Variants in DTWD2 observed in about 807,000 individuals in gnomAD.
The protein encoded by DTWD2 is tRNA-uridine aminocarboxypropyltransferase 2.
Under a neutral mutation model 31.8 loss-of-function variants are expected in DTWD2, and 39 were observed. The ratio of observed to expected loss-of-function variants is 1.22; its 90% CI spans 0.95 to 1.60. The LOEUF (loss-of-function observed/expected upper bound fraction) is 1.60, where lower values mean the gene tolerates loss of function less well. Ranked by LOEUF, DTWD2 falls within the 40% of genes most tolerant of loss-of-function variation. The pLI is 0.00. For missense variants in DTWD2, 515 were observed against 381.5 expected (o/e 1.35, Z -2.92); for synonymous variants, 180 against 142.8 (o/e 1.26, Z -1.86).
chr5:118,923,050 G>A (rs114753439), intron 4 of DTWD2, among the ~76,000 whole-genome samples: 2,620 of 151,386 alleles, frequency 0.017, 26 homozygotes, highest in Non-Finnish European at 0.026. Flanking sequence ...TTTTTAATAG[G>A]CAATTTATAA....
intron 4 of DTWD2, among the ~76,000 whole-genome samples, chr5:118,875,386 C>G (rs955149041): frequency 6.6e-6 from 1 of 151,714 alleles, no homozygotes; most frequent in African/African-American, 2.4e-5. Flanking sequence ...GCTAAATGCC[C>G]CAATAAAAAG....
intron 4 of DTWD2, among the ~76,000 whole-genome samples, chr5:118,850,631 A>G (rs2112679001): frequency 6.6e-6 from 1 of 152,188 alleles, no homozygotes; most frequent in South Asian, 2.1e-4. Flanking sequence ...CTAAGTCCTC[A>G]AAAGCAACTG....
At chr5:118,862,234 C>T (rs1561430960) in intron 4 of DTWD2, among the ~76,000 whole-genome samples, 1 of 152,276 alleles carries the variant, frequency 6.6e-6, no homozygotes, top group East Asian at 1.9e-4. Flanking sequence ...TCGCTCCATT[C>T]GTGGAAAAAC....
intron 4 of DTWD2, among the ~76,000 whole-genome samples, chr5:118,919,956 C>A (rs1041995494): frequency 2.6e-5 from 4 of 151,936 alleles, no homozygotes; most frequent in African/African-American, 9.7e-5. Flanking sequence ...AGGATCCCCA[C>A]CAATTAGTCT....
chr5:118,873,133 G>T (rs1752543614), intron 4 of DTWD2, among the ~76,000 whole-genome samples: 1 of 152,232 alleles, frequency 6.6e-6, no homozygotes, highest in Non-Finnish European at 1.5e-5. Context: ...GATCACCATG[G>T]ACACTGAGGT....
intron 4 of DTWD2, among the ~76,000 whole-genome samples, chr5:118,899,472 GA>G (rs570296280): frequency 6.6e-5 from 10 of 152,300 alleles, no homozygotes; most frequent in Admixed American, 6.5e-4. Context: ...AGTGTTCACA[GA>G]AACTTTCTAG....
intron 1 of DTWD2, among the ~76,000 whole-genome samples, chr5:118,953,521 T>C (rs1009709875): frequency 1.6e-4 from 25 of 152,190 alleles, no homozygotes; most frequent in African/African-American, 6.0e-4. Flanking sequence ...TAAGCAACAC[T>C]GTATGTGATT....
At chr5:118,896,807 G>A (rs188184795) in intron 4 of DTWD2, among the ~76,000 whole-genome samples, 1 of 152,238 alleles carries the variant, frequency 6.6e-6, no homozygotes, top group Admixed American at 6.5e-5. Flanking sequence ...TAATACTGGA[G>A]AGGCCACATG....
intron 4 of DTWD2, among the ~76,000 whole-genome samples, chr5:118,913,354 C>A (rs751822719): frequency 4.7e-5 from 7 of 149,746 alleles, no homozygotes; most frequent in Non-Finnish European, 5.9e-5. Context: ...GTATACTCTG[C>A]AAATTTTGAT....
intron 4 of DTWD2, among the ~76,000 whole-genome samples, chr5:118,851,148 G>A (rs1482535637): frequency 6.6e-6 from 1 of 150,470 alleles, no homozygotes; most frequent in Non-Finnish European, 1.5e-5. Flanking sequence ...GAACCTGAGA[G>A]GCAGAGATTA....
intron 4 of DTWD2, among the ~76,000 whole-genome samples, chr5:118,856,272 C>T (rs774195181): frequency 2.6e-5 from 4 of 152,152 alleles, no homozygotes; most frequent in Non-Finnish European, 4.4e-5. Context: ...ATATATTCTT[C>T]TATAACTTGT....
chr5:118,973,392 C>T (rs1045477169), intron 1 of DTWD2, among the ~76,000 whole-genome samples: 1 of 152,120 alleles, frequency 6.6e-6, no homozygotes, highest in African/African-American at 2.4e-5. Flanking sequence ...GTGGCTGGTA[C>T]TTGTTTTTCC....
chr5:118,864,130 C>T (rs1461825631), intron 4 of DTWD2, among the ~76,000 whole-genome samples: 3 of 137,058 alleles, frequency 2.2e-5, no homozygotes, highest in African/African-American at 3.2e-5. Context: ...GGAACCAACC[C>T]AAATGTCCAA....
intron 4 of DTWD2, among the ~76,000 whole-genome samples, chr5:118,852,620 G>A (rs564969766): frequency 6.6e-6 from 1 of 152,216 alleles, no homozygotes; most frequent in Admixed American, 6.5e-5. Context: ...ACTGCTTGTG[G>A]GAATGTAAAT....
At chr5:118,965,051 C>T (rs1368173084) in intron 1 of DTWD2, among the ~76,000 whole-genome samples, 22 of 151,642 alleles carry the variant, frequency 1.5e-4, no homozygotes, top group Non-Finnish European at 2.7e-4. Flanking sequence ...TCTGCCCCGC[C>T]GCCCCGTCTG....
At chr5:118,899,803 T>C (rs952956242) in intron 4 of DTWD2, among the ~76,000 whole-genome samples, 5 of 147,098 alleles carry the variant, frequency 3.4e-5, no homozygotes, top group Admixed American at 6.7e-5. Flanking sequence ...TTTTTTCTTT[T>C]TTTTTTTTTT....
rs112258616 is a variant in DTWD2, at chr5:118,966,828, G to A, written c.218+21466C>T. 3.6e-4 allele frequency among the ~76,000 whole-genome samples: 54 copies of A among 152,104 alleles called. 1 individual carries two copies. The East Asian group carries it at 8.5e-3, about 24-fold the overall frequency. ...GAGGATCACCTGAGGTCAGGAGTGC[G>A]AGAACAGCCTGACCAATGTGGTGAA... is the stretch of plus-strand genomic sequence containing the variant. On this transcript the variant is annotated intron_variant, in intron 1 of 5. Transcript: ENST00000510708.
At chr5:118,870,471 CACAA>C (rs1332537201) in intron 4 of DTWD2, among the ~76,000 whole-genome samples, 2 of 152,106 alleles carry the variant, frequency 1.3e-5, no homozygotes, top group Admixed American at 6.6e-5. Context: ...AAGCAAATAC[CACAA>C]ACAAACAAGT....
rs776550017 is a variant in DTWD2 at position 118,839,942 on chromosome 5, G to C, written c.*975C>G. 1 of 151,984 alleles carries C rather than the reference G, an allele frequency of 6.6e-6. No homozygotes were observed. Among genetic ancestry groups the C allele is most frequent in the Admixed American group, 6.6e-5 (1 of 15,252 alleles). 9.4% of individuals were successfully genotyped at this position (151,984 alleles called of 1,614,324 possible). Reference sequence around the variant, plus strand: ...TTAACACTAGATACAGGAAACTCTAGAACTCATAAACAAAGACTAAACAAA... The same window carrying C: ...TTAACACTAGATACAGGAAACTCTACAACTCATAAACAAAGACTAAACAAA... On this transcript the variant is annotated 3_prime_UTR_variant, in exon 6 of 6. Coordinates refer to ENST00000510708, the MANE Select transcript of DTWD2 (RefSeq NM_173666.4).
Sources: gnomAD v4.1 joint callset for allele counts (sites outside exome capture counted in the v4.1 genomes callset) on GRCh38, gnomAD v4.1.1 for gene constraint, MANE v1.5 for transcripts, NCBI Gene and HGNC (gene_info 2026-07-23, HGNC 2026-07-21) for gene names.